Variants in OBSL1 observed in about 807,000 individuals in gnomAD.
OBSL1 encodes the protein obscurin like cytoskeletal adaptor 1, also known as obscurin-like protein 1.
OBSL1 carries 160 observed loss-of-function variants against 172.0 expected under a neutral mutation model. The observed-to-expected ratio is 0.93, with a 90% CI of 0.82 to 1.06. The LOEUF (loss-of-function observed/expected upper bound fraction) is 1.06. Ranked by LOEUF, OBSL1 falls within the 50% of genes least tolerant of loss-of-function variation. OBSL1 has a pLI of 0.00. For synonymous variants in OBSL1, 1,200 were observed against 1,196.3 expected (o/e 1.00, Z -0.06); for missense variants, 2,681 against 2,715.4 (o/e 0.99, Z 0.28).
rs752057894 is a variant in OBSL1 at position 219,556,210 on chromosome 2, G to A, written c.4419C>T (p.Gly1473=). 37 of 1,610,772 alleles carry A rather than the reference G, an allele frequency of 2.3e-5. No individual in the cohort carries two copies. Among genetic ancestry groups the A allele is most frequent in the Non-Finnish European group, 3.1e-5 (37 of 1,178,294 alleles). ...GQDVCLEVET[G]RVGAAGAVRW... ...GCACGGCCCCCGCTGCACCCACTCGGCCTGTCTCCACTTCGAGACACACAT... is the reference window on the plus strand; with the variant it reads ...GCACGGCCCCCGCTGCACCCACTCGACCTGTCTCCACTTCGAGACACACAT... Residue 1473 remains glycine, a synonymous_variant, in exon 14 of 21, where the codon GGC becomes GGT. Coordinates refer to ENST00000404537, the MANE Select transcript of OBSL1 (RefSeq NM_015311.3).
rs1396471922 is a variant in OBSL1 at position 219,567,576 on chromosome 2, CTG to C, written c.1535-3_1535-2del. 1.9e-6 allele frequency: 3 copies of C among 1,607,004 alleles called. No homozygotes were observed. The East Asian group carries it at 6.7e-5, about 36-fold the overall frequency. On this transcript the variant is annotated splice_acceptor_variant and splice_polypyrimidine_tract_variant and intron_variant, in intron 3 of 20. Coordinates refer to ENST00000404537, the MANE Select transcript of OBSL1 (RefSeq NM_015311.3). LOFTEE classifies it high-confidence loss of function. ...GGTCCTGGGGGACTGTGCTTGACAC[CTG>C]AGACCAAGGCAGGGATGTGTTCCGG...
At chr2:219,561,076 G>A (rs1044050490) in intron 8 of OBSL1, among the ~76,000 whole-genome samples, 2 of 152,182 alleles carry the variant, frequency 1.3e-5, no homozygotes, top group South Asian at 2.1e-4. Context: ...AGATGATTAC[G>A]ACAGGGCAGA....
At chr2:219,548,708 G>A (rs1046343142), downstream of OBSL1, among the ~76,000 whole-genome samples, 3 of 152,172 alleles carry the variant, frequency 2.0e-5, no homozygotes, top group Admixed American at 2.0e-4. Flanking sequence ...TATTAGAAGG[G>A]CAATAAGACT....
At position 219,562,469 on chromosome 2, in the gene OBSL1, G is replaced by T; in HGVS notation, c.2886C>A (p.Leu962=). ...VRRLVLPAVQ[L]EDSGEYLCEI... ...CACACAAGTACTCGCCGGAGTCCTCGAGCTGGACAGCGGGCAGCACCAGGC... is the reference window on the plus strand; with the variant it reads ...CACACAAGTACTCGCCGGAGTCCTCTAGCTGGACAGCGGGCAGCACCAGGC... Residue 962 remains leucine (L), a synonymous_variant, in exon 8 of 21, where the codon CTC becomes CTA. Transcript: ENST00000404537. 6.2e-7 allele frequency: 1 copy of T among 1,613,964 alleles called. No homozygotes were observed. The highest frequency in any genetic ancestry group is 8.5e-7 in the Non-Finnish European group (1 of 1,179,874).
chr2:219,558,947 T>G (rs1696249765), intron 9 of OBSL1: 1 of 478,100 alleles, frequency 2.1e-6, no homozygotes, highest in African/African-American at 1.9e-5. Context: ...GGTTCACTGC[T>G]GTATCCCCAG....
chr2:219,570,425 T>C lies in OBSL1; in HGVS notation c.808A>G (p.Met270Val), dbSNP rs374681145. Reference protein sequence around the residue: ...GKHAKFRCYVMGKPEPEIEWH... With the variant: ...GKHAKFRCYVVGKPEPEIEWH... ...TCGATCTCGGGCTCGGGCTTGCCCA[T>C]CACGTAGCAGCGGAACTTGGCGTGC... Residue 270 changes from methionine (M) to valine (V), a missense_variant, in exon 1 of 21, where the codon ATG (methionine) becomes GTG (valine). Physicochemically the swap from Met to Val is conservative, Grantham distance 21. Coordinates refer to ENST00000404537, the MANE Select transcript of OBSL1 (RefSeq NM_015311.3). 1 of 1,613,038 alleles carries C rather than the reference T, an allele frequency of 6.2e-7. No homozygotes were observed. The highest frequency in any genetic ancestry group is 1.3e-5 in the African/African-American group (1 of 74,846).
At chr2:219,552,372 C>T in intron 18 of OBSL1, 156 bp from the exon 19 acceptor site, 2 of 857,214 alleles carry the variant, frequency 2.3e-6, no homozygotes, top group Non-Finnish European at 1.8e-6. Flanking sequence ...CCTAGAGGTC[C>T]GGGACTAGGG....
rs573767993 is a variant in OBSL1 at position 219,570,443 on chromosome 2, T to C, written c.790A>G (p.Lys264Glu). 3.7e-6 allele frequency: 6 copies of C among 1,612,962 alleles called. No homozygotes were observed. The South Asian group carries it at 6.6e-5, about 18-fold the overall frequency. ...TFWVNEGKHAKFRCYVMGKPE... is the reference protein window; with the variant it reads ...TFWVNEGKHAEFRCYVMGKPE... ...TTGCCCATCACGTAGCAGCGGAACT[T>C]GGCGTGCTTGCCCTCGTTCACCCAG... Residue 264 changes from lysine (K) to glutamate (E), a missense_variant, in exon 1 of 21, where the codon AAG becomes GAG. Around this residue, in one of 5 missense-constraint regions of OBSL1, gnomAD observed 706 missense variants for 695.8 expected, o/e 1.01. Coordinates refer to ENST00000404537, the MANE Select transcript of OBSL1 (RefSeq NM_015311.3).
chr2:219,551,975 G>C (rs1695644718), intron 19 of OBSL1, 137 bp downstream of exon 19: 1 of 1,003,288 alleles, frequency 1.0e-6, no homozygotes, highest in African/African-American at 1.7e-5. Context: ...GCTGCCCTCT[G>C]TGACCCGGCC....
chr2:219,558,210 G>A lies in OBSL1; in HGVS notation c.3476C>T (p.Ala1159Val), dbSNP rs1224015641. The A allele has an allele frequency of 6.2e-7, 1 of 1,608,090 alleles. No homozygotes were observed. ...AGCCAGGATGACATTGAAGGTGATGGCCTCATGCCGGGTCTCACACACATA... is the reference window on the plus strand; with the variant it reads ...AGCCAGGATGACATTGAAGGTGATGACCTCATGCCGGGTCTCACACACATA... ...GEYVCETRHE[A>V]ITFNVILAEP... Residue 1159 changes from alanine (A) to valine (V), a missense_variant, in exon 10 of 21, where the codon GCC (alanine) becomes GTC (valine). Physicochemically the swap from Ala to Val is moderately conservative, Grantham distance 64. Around this residue, in one of 5 missense-constraint regions of OBSL1, gnomAD observed 1,765 missense variants for 1,748.3 expected, o/e 1.01. Coordinates refer to ENST00000404537, the MANE Select transcript of OBSL1 (RefSeq NM_015311.3).
At position 219,552,433 on chromosome 2, in the gene OBSL1, G is replaced by A. The variant is rs1473871966; in HGVS notation, c.5308+103C>T. On this transcript the variant is annotated intron_variant, in intron 18 of 20. Transcript: ENST00000404537. ...ACGAGGCTCACAGGGCCGTGGGGCG[G>A]GGCCCGTCGGAGCCAGGGGCGGGGC... The A allele has an allele frequency of 3.3e-6, 4 of 1,228,684 alleles. No individual in the cohort carries two copies. In the African/African-American group the frequency reaches 4.5e-5, roughly 14 times the overall value. The allele number at this position is 1,228,684 out of a possible 1,614,324, so 76.1% of individuals were successfully genotyped here.
Position 219,556,011 on chromosome 2 carries a change from G to A in OBSL1, c.4609+9C>T. The A allele has an allele frequency of 6.2e-7, 1 of 1,613,022 alleles. No homozygotes were observed. The highest frequency in any genetic ancestry group is 8.5e-7 in the Non-Finnish European group (1 of 1,179,690). On this transcript the variant is annotated intron_variant, in intron 14 of 20. Coordinates refer to ENST00000404537, the MANE Select transcript of OBSL1 (RefSeq NM_015311.3). ...TGGGTAATGCATTAAGAGAGGACGG[G>A]GCACTCACGCCTCACGCTGAGCCTG...
At chr2:219,570,101 T>G (rs1269785183) in intron 1 of OBSL1, 120 bp downstream of exon 1, 16 of 906,930 alleles carry the variant, frequency 1.8e-5, no homozygotes, top group Non-Finnish European at 1.9e-5. Context: ...TATTTTAATA[T>G]TCCCGCGGAC....
At position 219,562,625 on chromosome 2, in the gene OBSL1, G is replaced by T. The variant is rs10804275; in HGVS notation, c.2730C>A (p.Ala910=). The change falls in exon 8 of 21, where the codon GCC becomes GCA. Residue 910 remains alanine (A), a synonymous_variant. Transcript: ENST00000404537. ...TCAGCACCACACGCTCCAGGCGCACGGCTGCCACATACACCTTGCCGCTGG... is the reference window on the plus strand; with the variant it reads ...TCAGCACCACACGCTCCAGGCGCACTGCTGCCACATACACCTTGCCGCTGG... ...VYPSGKVYVA[A]VRLERVVLTC... 376,331 of 1,588,388 alleles carry T rather than the reference G, an allele frequency of 0.24. 46,345 individuals carry two copies. Among genetic ancestry groups the T allele is most frequent in the Admixed American group, 0.27 (14,877 of 55,708 alleles).
chr2:219,556,760 C>G, intron 12 of OBSL1, 37 bp from the exon 13 acceptor site: 2 of 1,537,232 alleles, frequency 1.3e-6, no homozygotes, highest in Non-Finnish European at 1.8e-6. Flanking sequence ...TGGGCTGAGT[C>G]TTTTCTTCTC....
In OBSL1 at chr2:219,565,274, C is replaced by T; in HGVS notation, c.2375G>A (p.Gly792Glu). 6.2e-7 allele frequency: 1 copy of T among 1,612,848 alleles called. No individual in the cohort carries two copies. Residue 792 changes from glycine (G) to glutamate (E), a missense_variant, in exon 6 of 21, where the codon GGG (glycine) becomes GAG (glutamate). Coordinates refer to ENST00000404537, the MANE Select transcript of OBSL1 (RefSeq NM_015311.3). Reference protein sequence around the residue: ...DSGEFECRTEGVSAFFGVTVQ... With the variant: ...DSGEFECRTEEVSAFFGVTVQ... ...AGTGACGCCGAAGAAGGCCGAGACC[C>T]CTTCTGTCCTGCACTCAAACTCGCC...
chr2:219,556,589 G>A lies in OBSL1; in HGVS notation c.4201C>T (p.Pro1401Ser), dbSNP rs1696024867. ...TGGGCCATCTCCACCTGGGGCCCTG[G>A]AGTGACGACGGCCCCATTGCGCAGC... ...TWLRNGAVVT[P>S]GPQVEMAQNG... The change falls in exon 13 of 21, where the codon CCA (proline) becomes TCA (serine). Residue 1401 changes from proline to serine, a missense_variant. Pro to Ser is a moderately conservative substitution (Grantham distance 74). Transcript: ENST00000404537. The A allele has an allele frequency of 6.2e-7, 1 of 1,613,962 alleles. No individual in the cohort carries two copies. Among genetic ancestry groups the A allele is most frequent in the East Asian group, 2.2e-5 (1 of 44,876 alleles).
chr2:219,560,696 G>A (rs1023638576), intron 8 of OBSL1, among the ~76,000 whole-genome samples: 3 of 152,176 alleles, frequency 2.0e-5, no homozygotes, highest in African/African-American at 7.2e-5. Context: ...CAGCCTCCAC[G>A]GAGACTCCTG....
chr2:219,567,970 C>T lies in OBSL1; in HGVS notation c.1283-1G>A. On this transcript the variant is annotated splice_acceptor_variant, in intron 2 of 20. Coordinates refer to ENST00000404537, the MANE Select transcript of OBSL1 (RefSeq NM_015311.3). LOFTEE classifies it high-confidence loss of function. ...CGGGGCAGGCGCTTCAGGATGGGCCCTGAGATGCGGACAGGAATCCATCAA... is the reference window on the plus strand; with the variant it reads ...CGGGGCAGGCGCTTCAGGATGGGCCTTGAGATGCGGACAGGAATCCATCAA... The T allele has an allele frequency of 6.2e-7, 1 of 1,613,430 alleles. No homozygotes were observed. Among genetic ancestry groups the T allele is most frequent in the African/African-American group, 1.3e-5 (1 of 75,042 alleles).
Sources: gnomAD v4.1 joint callset for allele counts (sites outside exome capture counted in the v4.1 genomes callset) on GRCh38, gnomAD v4.1.1 for gene constraint, gnomAD v4.1.1 regional missense constraint, MANE v1.5 for transcripts, NCBI Gene and HGNC (gene_info 2026-07-23, HGNC 2026-07-21) for gene names.